The following PTPRK variants were observed in gnomAD, a reference collection of about 807,000 sequenced individuals.
PTPRK encodes receptor-type tyrosine-protein phosphatase kappa.
In PTPRK, 75 loss-of-function variants were observed where a neutral mutation model predicts 178.0. The observed-to-expected ratio is 0.42, with a 90% CI of 0.35 to 0.51. The LOEUF (loss-of-function observed/expected upper bound fraction) is 0.51. Among genes scored for constraint, PTPRK ranks in the 20% least tolerant of loss-of-function variants. PTPRK has a pLI of 0.02. For missense variants in PTPRK, 1,441 were observed against 1,797.8 expected, an observed-to-expected ratio of 0.80 and a Z score of 3.59; for synonymous variants, 637 against 620.6, an observed-to-expected ratio of 1.03 and a Z score of -0.39.
At chr6:128,406,606 A>G (rs1193295867) in intron 1 of PTPRK, among the ~76,000 whole-genome samples, 1 of 152,190 alleles carries the variant, frequency 6.6e-6, no homozygotes, top group Non-Finnish European at 1.5e-5. Context: ...CACAAACACA[A>G]GCAAATCATT....
intron 1 of PTPRK, among the ~76,000 whole-genome samples, chr6:128,514,074 C>T (rs1243451345): frequency 1.3e-5 from 2 of 152,102 alleles, no homozygotes; most frequent in Non-Finnish European, 2.9e-5. Flanking sequence ...GAGAATCGGC[C>T]TATGAGCAGC....
At position 128,243,505 on chromosome 6, in the gene PTPRK, A is replaced by G. The variant is rs923581786; in HGVS notation, c.496-903T>C. 3.2e-3 allele frequency among the ~76,000 whole-genome samples: 478 copies of G among 148,308 alleles called. 3 individuals are homozygous for G. Among genetic ancestry groups the G allele is most frequent in the African/African-American group, 9.9e-3 (389 of 39,300 alleles). On this transcript the variant is annotated intron_variant, in intron 3 of 29. Coordinates refer to ENST00000368226, the MANE Select transcript of PTPRK (RefSeq NM_002844.4). ...CCTGTCGCTAAAAAAAAAAAAAAAA[A>G]AAAAAAAAGAAAAGAAAAGAAAAGA...
chr6:127,991,316 G>T lies in PTPRK; in HGVS notation c.2957C>A (p.Thr986Lys), dbSNP rs1192008386. 2 of 1,592,598 alleles carry T rather than the reference G, an allele frequency of 1.3e-6. No homozygotes were observed. Among genetic ancestry groups the T allele is most frequent in the Non-Finnish European group, 1.7e-6 (2 of 1,170,200 alleles). ...TACCCGGCCAACCTCAACTAAATTT[G>T]TAACCATCACAATGCAAGCAGATTG... ...QEQSACIVMV[T>K]NLVEVGRVKC... is the part of the protein sequence containing the mutation. The change falls in exon 20 of 30, where the codon ACA becomes AAA. Residue 986 changes from threonine (T) to lysine (K), a missense_variant. Physicochemically the swap from Thr to Lys is moderately conservative, Grantham distance 78. Coordinates refer to ENST00000368226, the MANE Select transcript of PTPRK (RefSeq NM_002844.4).
chr6:128,296,649 A>C (rs1246236126), intron 3 of PTPRK, among the ~76,000 whole-genome samples: 1 of 152,120 alleles, frequency 6.6e-6, no homozygotes, highest in Non-Finnish European at 1.5e-5. Flanking sequence ...AGGAGAAATA[A>C]AATACTTTAC....
intron 7 of PTPRK, among the ~76,000 whole-genome samples, chr6:128,152,951 A>G (rs894921880): frequency 1.3e-5 from 2 of 151,942 alleles, no homozygotes; most frequent in Non-Finnish European, 2.9e-5. Flanking sequence ...CTGGAACTCA[A>G]ACATCTGCAG....
intron 3 of PTPRK, among the ~76,000 whole-genome samples, chr6:128,311,465 A>T (rs1190764455): frequency 1.3e-5 from 2 of 152,166 alleles, no homozygotes; most frequent in Admixed American, 1.3e-4. Flanking sequence ...TCAATAAGGT[A>T]CAACTTTTTC....
chr6:127,990,968 T>C, intron 20 of PTPRK, 83 bp from the exon 21 acceptor site: 1 of 789,650 alleles, frequency 1.3e-6, no homozygotes, highest in Non-Finnish European at 2.0e-6. Context: ...CAATAACTCC[T>C]TGTCACAATT....
rs572084644 is a variant in PTPRK at position 128,403,932 on chromosome 6, T to C, written c.101-6244A>G. Among the ~76,000 whole-genome samples the C allele has an allele frequency of 1.4e-4, 22 of 152,268 alleles. 2 individuals carry two copies. The highest frequency in any genetic ancestry group is 1.2e-3 in the Admixed American group (19 of 15,292). ...TGTCATAACTACAAAACTCTTGTCATAGTATCAAGAAGCCACAAAGAATAC... is the reference window on the plus strand; with the variant it reads ...TGTCATAACTACAAAACTCTTGTCACAGTATCAAGAAGCCACAAAGAATAC... On this transcript the variant is annotated intron_variant, in intron 1 of 29. Transcript: ENST00000368226.
In PTPRK at chr6:128,301,865, A is replaced by G. The variant is rs185462223; in HGVS notation, c.495+20174T>C. Among the ~76,000 whole-genome samples the G allele has an allele frequency of 5.9e-5, 9 of 152,304 alleles. No individual in the cohort carries two copies. In the East Asian group the frequency reaches 1.7e-3, roughly 29 times the overall value. On this transcript the variant is annotated intron_variant, in intron 3 of 29. Transcript: ENST00000368226. ...TTACTCTTCCTTTTAGGATGAGGAT[A>G]TTATCTCAGGGATTTATGTTCTGGA...
At chr6:128,073,961 T>C (rs1284083559) in intron 11 of PTPRK, among the ~76,000 whole-genome samples, 1 of 152,062 alleles carries the variant, frequency 6.6e-6, no homozygotes, top group Non-Finnish European at 1.5e-5. Context: ...TTTAAATTTA[T>C]GTAATGAAAC....
At chr6:128,228,303 A>G (rs965393296) in intron 5 of PTPRK, among the ~76,000 whole-genome samples, 3 of 152,066 alleles carry the variant, frequency 2.0e-5, no homozygotes, top group Admixed American at 1.3e-4. Flanking sequence ...CAGAGAAAAC[A>G]GAAGTCTCTA....
chr6:128,094,512 G>A (rs923421490), intron 7 of PTPRK, among the ~76,000 whole-genome samples: 1 of 152,052 alleles, frequency 6.6e-6, no homozygotes, highest in Non-Finnish European at 1.5e-5. Flanking sequence ...AGAAAATTAA[G>A]GTGCTCTTAA....
chr6:128,238,208 G>GAAAAAA, intron 5 of PTPRK: 18 of 252,846 alleles, frequency 7.1e-5, no homozygotes, highest in East Asian at 2.2e-4. Flanking sequence ...AAAAAGAAAA[G>GAAAAAA]AAAAAAAAAA....
chr6:128,087,352 T>A (rs925748475), intron 8 of PTPRK, among the ~76,000 whole-genome samples: 1 of 151,870 alleles, frequency 6.6e-6, no homozygotes, highest in African/African-American at 2.4e-5. Flanking sequence ...CAATAAAACA[T>A]GTGAATATAC....
At chr6:128,195,522 T>C (rs1804713726) in intron 6 of PTPRK, among the ~76,000 whole-genome samples, 1 of 150,710 alleles carries the variant, frequency 6.6e-6, no homozygotes, top group African/African-American at 2.5e-5. Context: ...GGAATTATTA[T>C]CTACCTATTA....
intron 1 of PTPRK, among the ~76,000 whole-genome samples, chr6:128,398,789 G>A (rs1170762187): frequency 1.3e-5 from 2 of 152,060 alleles, no homozygotes; most frequent in Non-Finnish European, 2.9e-5. Context: ...CACTTTCACC[G>A]TTCCCACTTT....
At chr6:128,104,643 T>C (rs567795221) in intron 7 of PTPRK, among the ~76,000 whole-genome samples, 13 of 152,154 alleles carry the variant, frequency 8.5e-5, no homozygotes, top group Non-Finnish European at 8.8e-5. Context: ...AGTCAGTAAG[T>C]TCCTGGCATA....
chr6:128,461,558 A>G (rs997706265), intron 1 of PTPRK, among the ~76,000 whole-genome samples: 8 of 152,196 alleles, frequency 5.3e-5, no homozygotes, highest in Non-Finnish European at 1.2e-4. Context: ...AATTCTAGCA[A>G]AGTTGATTTT....
chr6:128,181,077 C>T (rs1040329357), intron 7 of PTPRK, among the ~76,000 whole-genome samples: 1 of 151,772 alleles, frequency 6.6e-6, no homozygotes, highest in African/African-American at 2.4e-5. Context: ...TATCATGATA[C>T]ATTCACTTCA....
Sources: gnomAD v4.1 joint callset for allele counts (sites outside exome capture counted in the v4.1 genomes callset) on GRCh38, gnomAD v4.1.1 for gene constraint, MANE v1.5 for transcripts, NCBI Gene and HGNC (gene_info 2026-07-23, HGNC 2026-07-21) for gene names.